Variants in NIPBL observed in about 807,000 individuals in gnomAD.
NIPBL encodes the protein NIPBL cohesin loading factor, also known as nipped-B-like protein.
In NIPBL, 19 loss-of-function variants were observed where a neutral mutation model predicts 321.8. The ratio of observed to expected loss-of-function variants is 0.06; its 90% CI spans 0.04 to 0.09. The LOEUF is 0.09. Ranked by LOEUF, NIPBL falls within the 10% of genes least tolerant of loss-of-function variation. The probability of loss-of-function intolerance (pLI) is 1.00; values close to 1 mark genes in which losing one functional copy is unlikely to be tolerated. For synonymous variants in NIPBL, 1,106 were observed against 1,114.1 expected (o/e 0.99, Z 0.14); for missense variants, 2,210 against 3,327.0 (o/e 0.66, Z 8.26).
chr5:37,058,990 C>A lies in NIPBL; in HGVS notation c.7510C>A (p.Arg2504=). The A allele has an allele frequency of 6.2e-7, 1 of 1,614,158 alleles. No homozygotes were observed. The highest frequency in any genetic ancestry group is 8.5e-7 in the Non-Finnish European group (1 of 1,180,024). ...EEEVSRPRKS[R]KRVDSDSDSD... ...AGAAGTTTCCAGGCCTCGGAAGTCA[C>A]GGAAACGTGTAGATTCAGATTCAGA... Residue 2504 remains arginine, a synonymous_variant, in exon 44 of 47, where the codon CGG becomes AGG. Transcript: ENST00000282516.
chr5:36,965,138 A>C (rs923910254), intron 6 of NIPBL, among the ~76,000 whole-genome samples: 6 of 152,124 alleles, frequency 3.9e-5, no homozygotes, highest in African/African-American at 1.4e-4. Flanking sequence ...AGAATACTAA[A>C]AATAGAGCTG....
chr5:36,951,663 TTAAA>T (rs1740306650), intron 1 of NIPBL, among the ~76,000 whole-genome samples: 1 of 152,138 alleles, frequency 6.6e-6, no homozygotes, highest in Admixed American at 6.5e-5. Flanking sequence ...TTAGTAATTG[TTAAA>T]TAATCAAATT....
chr5:37,008,127 A>G (rs1406331800), intron 19 of NIPBL, 39 bp downstream of exon 19: 2 of 1,268,874 alleles, frequency 1.6e-6, no homozygotes, highest in Non-Finnish European at 2.3e-6. Flanking sequence ...TACCCCACAA[A>G]TAAAACAATA....
intron 1 of NIPBL, among the ~76,000 whole-genome samples, chr5:36,903,448 T>C (rs192713171): frequency 4.6e-5 from 7 of 152,298 alleles, no homozygotes; most frequent in East Asian, 1.9e-4. Flanking sequence ...TTTTAAACTT[T>C]AATATATTAG....
chr5:36,936,232 A>G (rs1426339463), intron 1 of NIPBL, among the ~76,000 whole-genome samples: 1 of 152,194 alleles, frequency 6.6e-6, no homozygotes, highest in Non-Finnish European at 1.5e-5. Flanking sequence ...TCCAATAATC[A>G]TAATACTGAT....
intron 2 of NIPBL, among the ~76,000 whole-genome samples, chr5:36,955,208 A>G (rs1463551078): frequency 6.6e-6 from 1 of 152,226 alleles, no homozygotes; most frequent in African/African-American, 2.4e-5. Context: ...GTCATTTGTT[A>G]ATAAAATTTA....
intron 1 of NIPBL, among the ~76,000 whole-genome samples, chr5:36,912,627 G>C (rs916651388): frequency 1.3e-5 from 2 of 151,220 alleles, no homozygotes; most frequent in African/African-American, 4.9e-5. Flanking sequence ...TCAGCCTCCT[G>C]AGTAGCTGGG....
At chr5:36,895,883 A>G (rs1746692254) in intron 1 of NIPBL, among the ~76,000 whole-genome samples, 1 of 152,162 alleles carries the variant, frequency 6.6e-6, no homozygotes. Context: ...CGTGATTTGC[A>G]ATATTTGCTC....
At chr5:37,014,138 G>A (rs1748617626) in intron 21 of NIPBL, among the ~76,000 whole-genome samples, 1 of 152,210 alleles carries the variant, frequency 6.6e-6, no homozygotes, top group Non-Finnish European at 1.5e-5. Flanking sequence ...GGAGGTTGCA[G>A]TGAGCCGAGA....
intron 1 of NIPBL, among the ~76,000 whole-genome samples, chr5:36,915,328 G>T (rs187335867): frequency 6.6e-6 from 1 of 152,118 alleles, no homozygotes; most frequent in Admixed American, 6.5e-5. Context: ...ATTTTAAATT[G>T]TATTTAATTT....
rs369889702 is a variant in NIPBL, at chr5:37,044,503, A to G, written c.6249+16A>G. The G allele has an allele frequency of 3.7e-6, 6 of 1,612,644 alleles. No homozygotes were observed. In the African/African-American group the frequency reaches 8.0e-5, roughly 22 times the overall value. ...TGGCATGACTGTAAGCACTCAGTTT[A>G]CCATTTCTTTATTCATTAGTGTAAA... On this transcript the variant is annotated intron_variant, in intron 35 of 46. Coordinates refer to ENST00000282516, the MANE Select transcript of NIPBL (RefSeq NM_133433.4).
chr5:37,001,088 A>G lies in NIPBL; in HGVS notation c.3664+10A>G. On this transcript the variant is annotated intron_variant, in intron 14 of 46. Coordinates refer to ENST00000282516, the MANE Select transcript of NIPBL (RefSeq NM_133433.4). The stretch of plus-strand genomic sequence containing the variant: ...GATTTTACTGCGTTTGGTAAAATCA[A>G]CTTAAAATACATTTACACATACTCT... 1.3e-6 allele frequency: 2 copies of G among 1,540,898 alleles called. No individual in the cohort carries two copies. The highest frequency in any genetic ancestry group is 1.4e-5 in the African/African-American group (1 of 73,516).
At chr5:37,011,078 T>A (rs1748062249) in intron 21 of NIPBL, among the ~76,000 whole-genome samples, 1 of 152,210 alleles carries the variant, frequency 6.6e-6, no homozygotes, top group Non-Finnish European at 1.5e-5. Context: ...ATTCCCTCCC[T>A]AATAGGTAGC....
At chr5:36,894,492 G>A (rs1007392502) in intron 1 of NIPBL, among the ~76,000 whole-genome samples, 9 of 151,832 alleles carry the variant, frequency 5.9e-5, no homozygotes, top group Admixed American at 1.3e-4. Context: ...TAATATATTC[G>A]TATATACAAA....
rs754808584 is a variant in NIPBL at position 37,026,366 on chromosome 5, C to G, written c.5808+39C>G. 14 of 1,205,634 alleles carry G rather than the reference C, an allele frequency of 1.2e-5. No homozygotes were observed. The African/African-American group carries it at 2.1e-4, about 18-fold the overall frequency. 74.7% of individuals were successfully genotyped at this position (1,205,634 alleles called of 1,614,324 possible). A position where few individuals can be genotyped will look rare whatever the true frequency, so the allele number is the denominator to read the frequency against. On this transcript the variant is annotated intron_variant, in intron 31 of 46. Coordinates refer to ENST00000282516, the MANE Select transcript of NIPBL (RefSeq NM_133433.4). ...GAACAAGGGTGTGGTCACTGTTGAT[C>G]CAGACCTAATTGAGGCCTACATGTC... is the stretch of plus-strand genomic sequence containing the variant.
chr5:36,899,696 A>G (rs2149532701), intron 1 of NIPBL, among the ~76,000 whole-genome samples: 1 of 152,318 alleles, frequency 6.6e-6, no homozygotes, highest in Non-Finnish European at 1.5e-5. Flanking sequence ...AAAGTGAATT[A>G]AGCTTTCCTG....
chr5:37,020,826 C>T lies in NIPBL; in HGVS notation c.5277C>T (p.Tyr1759=), dbSNP rs1749544774. 3 of 1,614,156 alleles carry T rather than the reference C, an allele frequency of 1.9e-6. No homozygotes were observed. The highest frequency in any genetic ancestry group is 2.2e-5 in the East Asian group (1 of 44,880). ...DYDDACLIVR[Y]LASMRPFAQS... Reference sequence around the variant, plus strand: ...ATGATGCTTGCTTGATTGTTCGATACTTGGCCTCCATGAGGCCGTTTGCCC... The same window carrying T: ...ATGATGCTTGCTTGATTGTTCGATATTTGGCCTCCATGAGGCCGTTTGCCC... The change falls in exon 27 of 47, where the codon TAC becomes TAT. Residue 1759 remains tyrosine, a synonymous_variant. Coordinates refer to ENST00000282516, the MANE Select transcript of NIPBL (RefSeq NM_133433.4).
rs112714988 is a variant in NIPBL at position 37,015,607 on chromosome 5, G to A, written c.4644-431G>A. On this transcript the variant is annotated intron_variant, in intron 22 of 46. Transcript: ENST00000282516. ...TAGCCAGGCATGGTGGTGCACGCCT[G>A]TAGTCCCAGCTACTTGAGAGGCTGA... Among the ~76,000 whole-genome samples the A allele has an allele frequency of 6.0e-3, 913 of 152,206 alleles. 11 individuals are homozygous for A. The highest frequency in any genetic ancestry group is 0.021 in the African/African-American group (867 of 41,566).
intron 43 of NIPBL, among the ~76,000 whole-genome samples, chr5:37,058,145 A>G (rs184524693): frequency 6.6e-6 from 1 of 152,344 alleles, no homozygotes; most frequent in East Asian, 1.9e-4. Flanking sequence ...TTAAAGCTGT[A>G]GAACCTCAGG....
Sources: gnomAD v4.1 joint callset for allele counts (sites outside exome capture counted in the v4.1 genomes callset) on GRCh38, gnomAD v4.1.1 for gene constraint, MANE v1.5 for transcripts, NCBI Gene and HGNC (gene_info 2026-07-23, HGNC 2026-07-21) for gene names.